Variants in PRRC2B observed in about 807,000 individuals in gnomAD.
PRRC2B encodes protein PRRC2B.
Under a neutral mutation model 242.3 loss-of-function variants are expected in PRRC2B, and 68 were observed. The ratio of observed to expected loss-of-function variants is 0.28; its 90% confidence interval spans 0.23 to 0.34. The LOEUF is 0.34. Among genes scored for constraint, PRRC2B ranks in the 10% least tolerant of loss-of-function variants. The probability of loss-of-function intolerance (pLI) is 1.00; values close to 1 mark genes in which losing one functional copy is unlikely to be tolerated. For synonymous variants in PRRC2B, 1,228 were observed against 1,173.6 expected (o/e 1.05, Z -0.95); for missense variants, 2,835 against 2,954.8 (o/e 0.96, Z 0.94).
rs1943690772 is a variant in PRRC2B at position 131,476,175 on chromosome 9, A to G, written c.4046A>G (p.Asp1349Gly). 6.2e-7 allele frequency: 1 copy of G among 1,613,318 alleles called. No homozygotes were observed. The highest frequency in any genetic ancestry group is 1.1e-5 in the South Asian group (1 of 91,086). The change falls in exon 16 of 32, where the codon GAC (aspartate) becomes GGC (glycine). Residue 1349 changes from aspartate to glycine, a missense_variant. Around this residue, in one of 7 missense-constraint regions of PRRC2B, gnomAD observed 1,536 missense variants for 1,483.1 expected, o/e 1.04. Coordinates refer to ENST00000683519, the MANE Select transcript of PRRC2B (RefSeq NM_013318.4). ...GGCAGGCCCAAACTGTGTTCTGGGG[A>G]CAAGAGTGGCACTGTGGGCCGCAGG... is the stretch of plus-strand genomic sequence containing the variant. ...WPGRPKLCSGDKSGTVGRRSP... is the reference protein window; with the variant it reads ...WPGRPKLCSGGKSGTVGRRSP...
rs1944391104 is a variant in PRRC2B at position 131,498,574 on chromosome 9, G to A, written c.*2700G>A. ...CCCGTGGTTTTAGAGCCAAGCTCAA[G>A]GTAGTAGGACGTAGGGTCTTATTTT... On this transcript the variant is annotated 3_prime_UTR_variant, in exon 32 of 32. Transcript: ENST00000683519. 1 of 152,268 alleles carries A rather than the reference G, an allele frequency of 6.6e-6. No homozygotes were observed. Among genetic ancestry groups the A allele is most frequent in the Admixed American group, 6.5e-5 (1 of 15,290 alleles). 9.4% of individuals were successfully genotyped at this position (152,268 alleles called of 1,614,324 possible).
Position 131,403,790 on chromosome 9 carries a change from G to A in PRRC2B, c.-52+9527G>A, listed in dbSNP as rs140295109. Among the ~76,000 whole-genome samples the A allele has an allele frequency of 1.8e-3, 277 of 151,980 alleles. 2 individuals carry two copies. Among genetic ancestry groups the A allele is most frequent in the African/African-American group, 6.3e-3 (259 of 41,428 alleles). ...GTTTATCCTTCTAGGCTCAGTGCAC[G>A]TATAAATATGGCCTCATGTAGGGAG... On this transcript the variant is annotated intron_variant, in intron 1 of 31. Transcript: ENST00000683519.
At chr9:131,471,569 C>T (rs1010175586) in intron 14 of PRRC2B, among the ~76,000 whole-genome samples, 22 of 152,138 alleles carry the variant, frequency 1.4e-4, no homozygotes, top group African/African-American at 5.3e-4. Flanking sequence ...GATAGTAAGT[C>T]TTTTAGGCCT....
In PRRC2B at chr9:131,498,347, G is replaced by A. The variant is rs1944385457; in HGVS notation, c.*2473G>A. 1 of 152,218 alleles carries A rather than the reference G, an allele frequency of 6.6e-6. No individual in the cohort carries two copies. The highest frequency in any genetic ancestry group is 2.1e-4 in the South Asian group (1 of 4,824). The allele number at this position is 152,218 out of a possible 1,614,324, so 9.4% of individuals were successfully genotyped here. On this transcript the variant is annotated 3_prime_UTR_variant, in exon 32 of 32. Transcript: ENST00000683519. Reference sequence around the variant, plus strand: ...AATTAATTCTGTGCAGGAAAGGCCAGGAAATTGCATGTGAAGTTCGGTGCA... The same window carrying A: ...AATTAATTCTGTGCAGGAAAGGCCAAGAAATTGCATGTGAAGTTCGGTGCA...
intron 16 of PRRC2B, among the ~76,000 whole-genome samples, chr9:131,476,859 C>T (rs1943718500): frequency 6.6e-6 from 1 of 152,102 alleles, no homozygotes. Context: ...GTGCACAGTG[C>T]CAGGTGCCGG....
At chr9:131,422,990 C>T (rs1057393666) in intron 1 of PRRC2B, among the ~76,000 whole-genome samples, 3 of 152,176 alleles carry the variant, frequency 2.0e-5, no homozygotes, top group African/African-American at 7.2e-5. Flanking sequence ...CTCTGAGTGG[C>T]TTCTGTGGGA....
At chr9:131,455,879 G>A (rs931439907) in intron 10 of PRRC2B, among the ~76,000 whole-genome samples, 10 of 151,960 alleles carry the variant, frequency 6.6e-5, no homozygotes, top group African/African-American at 1.9e-4. Context: ...TTGGGAGGCC[G>A]AGGCAGGTGG....
At chr9:131,415,573 C>T (rs1837625627) in intron 1 of PRRC2B, among the ~76,000 whole-genome samples, 5 of 152,194 alleles carry the variant, frequency 3.3e-5, no homozygotes, top group Admixed American at 6.5e-5. Context: ...TATTTTGAGT[C>T]CTTATGTAGG....
chr9:131,454,339 A>T (rs1481560994), intron 9 of PRRC2B, among the ~76,000 whole-genome samples: 1 of 152,210 alleles, frequency 6.6e-6, no homozygotes, highest in Non-Finnish European at 1.5e-5. Flanking sequence ...TAACTCACAA[A>T]TCTCACAAGT....
chr9:131,409,518 G>A (rs773904674), intron 1 of PRRC2B, among the ~76,000 whole-genome samples: 8 of 152,222 alleles, frequency 5.3e-5, no homozygotes, highest in Non-Finnish European at 8.8e-5. Flanking sequence ...CTTACTGAAT[G>A]TGTATTAGTA....
rs1233505089 is a variant in PRRC2B, at chr9:131,430,127, A to G, written c.-18A>G. The G allele has an allele frequency of 9.9e-6, 15 of 1,511,196 alleles. No individual in the cohort carries two copies. The highest frequency in any genetic ancestry group is 1.4e-5 in the Non-Finnish European group (15 of 1,100,500). 93.6% of individuals were successfully genotyped at this position (1,511,196 alleles called of 1,614,324 possible). On this transcript the variant is annotated 5_prime_UTR_variant, in exon 2 of 32. Transcript: ENST00000683519. Reference sequence around the variant, plus strand: ...CGGTGCCGAGAAAAATTTCCTTACTAGATGACATTTCATCGCAATGTCCGA... The same window carrying G: ...CGGTGCCGAGAAAAATTTCCTTACTGGATGACATTTCATCGCAATGTCCGA...
intron 1 of PRRC2B, among the ~76,000 whole-genome samples, chr9:131,380,426 CA>C (rs1836740502): frequency 1.3e-5 from 2 of 151,284 alleles, no homozygotes; most frequent in Non-Finnish European, 2.9e-5. Flanking sequence ...AAAAATACAA[CA>C]AATTAGCCAG....
chr9:131,494,333 T>C lies in PRRC2B; in HGVS notation c.6474-72T>C, dbSNP rs1175491536. On this transcript the variant is annotated intron_variant, in intron 30 of 31. Transcript: ENST00000683519. The surrounding 1 kb of genome is among the most constrained non-coding windows in gnomAD (Gnocchi z 4.3). ...CCCTTCCTTCCTTGTGCCTCCTCCA[T>C]GTGCTAGGCTTTGACTCCATTTCTG... 1.3e-6 allele frequency: 1 copy of C among 797,410 alleles called. No homozygotes were observed. Among genetic ancestry groups the C allele is most frequent in the Non-Finnish European group, 2.1e-6 (1 of 478,244 alleles). The allele number at this position is 797,410 out of a possible 1,614,324, so 49.4% of individuals were successfully genotyped here.
At chr9:131,490,632 C>T in intron 28 of PRRC2B, 1 of 518,420 alleles carries the variant, frequency 1.9e-6, no homozygotes, top group Non-Finnish European at 3.9e-6. Flanking sequence ...TCTCTGGGCC[C>T]ACATCCCCAC....
chr9:131,449,281 C>A (rs578163998), intron 9 of PRRC2B, among the ~76,000 whole-genome samples: 12 of 152,168 alleles, frequency 7.9e-5, no homozygotes, highest in South Asian at 2.1e-4. Context: ...AAACCTTTTC[C>A]CCTGGTGGTT....
chr9:131,453,579 T>G (rs1365030117), intron 9 of PRRC2B, among the ~76,000 whole-genome samples: 1 of 152,172 alleles, frequency 6.6e-6, no homozygotes, highest in Non-Finnish European at 1.5e-5. Context: ...TTGCCCAAGC[T>G]GGAGTGCAGT....
At position 131,474,520 on chromosome 9, in the gene PRRC2B, TGAG is replaced by T. The variant is rs763573373; in HGVS notation, c.2395_2397del (p.Glu799del). 1.2e-6 allele frequency: 2 copies of T among 1,613,950 alleles called. No homozygotes were observed. Among genetic ancestry groups the T allele is most frequent in the Non-Finnish European group, 1.7e-6 (2 of 1,179,870 alleles). On this transcript the variant is annotated inframe_deletion, in exon 16 of 32. Transcript: ENST00000683519. The stretch of plus-strand genomic sequence containing the variant: ...GCGTAAGTGCTCAGCGCGATCTCTT[TGAG>T]GAGAGAGGGGAGGAGTACTTGAGTG...
intron 9 of PRRC2B, among the ~76,000 whole-genome samples, chr9:131,451,279 G>T (rs566758059): frequency 3.3e-5 from 5 of 152,218 alleles, no homozygotes; most frequent in African/African-American, 1.2e-4. Context: ...CGCGCCTGTA[G>T]TCCCAGCTAC....
At chr9:131,392,573 T>C (rs903309828), upstream of PRRC2B, among the ~76,000 whole-genome samples, 1 of 152,128 alleles carries the variant, frequency 6.6e-6, no homozygotes, top group African/African-American at 2.4e-5. Flanking sequence ...ATCCTCCCTG[T>C]TTTGTAGAGA....
Sources: gnomAD v4.1 joint callset for allele counts (sites outside exome capture counted in the v4.1 genomes callset) on GRCh38, gnomAD v4.1.1 for gene constraint, gnomAD v4.1.1 regional missense constraint, Gnocchi (gnomAD v3.1) non-coding constraint, MANE v1.5 for transcripts, NCBI Gene and HGNC (gene_info 2026-07-23, HGNC 2026-07-21) for gene names.